Variants in ECE1 observed in about 807,000 individuals in gnomAD.
ECE1 encodes endothelin-converting enzyme 1.
A neutral mutation model predicts 98.6 loss-of-function variants in ECE1; 35 were observed. The observed-to-expected ratio is 0.35, with a 90% CI of 0.27 to 0.47. The LOEUF (loss-of-function observed/expected upper bound fraction) is 0.47, where lower values mean the gene tolerates loss of function less well. Among genes scored for constraint, ECE1 ranks in the 20% least tolerant of loss-of-function variants. The probability of loss-of-function intolerance (pLI) is 1.00; values close to 1 mark genes in which losing one functional copy is unlikely to be tolerated. For missense variants in ECE1, 814 were observed against 1,025.3 expected (o/e 0.79, Z 2.81); for synonymous variants, 394 against 407.1 (o/e 0.97, Z 0.39).
At position 21,260,538 on chromosome 1, in the gene ECE1, G is replaced by A. The variant is rs147641643; in HGVS notation, c.494-146C>T. 3,694 of 1,079,636 alleles carry A rather than the reference G, an allele frequency of 3.4e-3. 13 individuals carry two copies. The highest frequency in any genetic ancestry group is 0.013 in the Middle Eastern group (62 of 4,834). The allele number at this position is 1,079,636 out of a possible 1,614,324, so 66.9% of individuals were successfully genotyped here. On this transcript the variant is annotated intron_variant, in intron 4 of 18. Transcript: ENST00000374893. This position sits in a 1 kb window ranked among gnomAD's most constrained non-coding sequence, Gnocchi z 4.3. Reference sequence around the variant, plus strand: ...TGTCGGAGTGGCAGTGAGGAATGCCGTCACCGTGAGTATGTGAGGGCCCCT... The same window carrying A: ...TGTCGGAGTGGCAGTGAGGAATGCCATCACCGTGAGTATGTGAGGGCCCCT...
At chr1:21,263,451 G>A (rs1352207992) in intron 4 of ECE1, among the ~76,000 whole-genome samples, 1 of 151,988 alleles carries the variant, frequency 6.6e-6, no homozygotes, top group Non-Finnish European at 1.5e-5. Flanking sequence ...CCACCTCCTG[G>A]GTTCAAGTGA....
At chr1:21,279,650 A>G (rs565084690) in intron 2 of ECE1, 1 of 1,417,264 alleles carries the variant, frequency 7.1e-7, no homozygotes, top group South Asian at 1.6e-5. Flanking sequence ...GGAGTTCAAA[A>G]AAGAACAGGA....
intron 2 of ECE1, among the ~76,000 whole-genome samples, chr1:21,288,697 G>A (rs571675823): frequency 6.6e-6 from 1 of 152,314 alleles, no homozygotes; most frequent in East Asian, 1.9e-4. Context: ...ATTTGAGAAG[G>A]GAAAAGCACC....
At chr1:21,331,599 GA>G (rs202005429) in intron 1 of ECE1, among the ~76,000 whole-genome samples, 1 of 143,932 alleles carries the variant, frequency 6.9e-6, no homozygotes, top group African/African-American at 2.6e-5. Context: ...CTAAAAAAAA[GA>G]AAAAAAAAAG....
intron 10 of ECE1, among the ~76,000 whole-genome samples, chr1:21,244,680 G>A (rs571104747): frequency 1.4e-4 from 21 of 152,268 alleles, no homozygotes; most frequent in African/African-American, 4.3e-4. Flanking sequence ...TTACGTTTCC[G>A]GGGAAGAAGT....
chr1:21,292,404 C>T (rs1638223276), upstream of ECE1, among the ~76,000 whole-genome samples: 2 of 152,086 alleles, frequency 1.3e-5, no homozygotes, highest in Non-Finnish European at 1.5e-5. Flanking sequence ...ACATTTTTTC[C>T]TCCTCTCTAC....
intron 1 of ECE1, among the ~76,000 whole-genome samples, chr1:21,328,534 G>A (rs1639130119): frequency 6.6e-6 from 1 of 152,170 alleles, no homozygotes; most frequent in Non-Finnish European, 1.5e-5. Flanking sequence ...GGCCGAGGTG[G>A]GTGGATCACC....
chr1:21,317,741 G>A (rs1638862412), intron 1 of ECE1, among the ~76,000 whole-genome samples: 1 of 152,192 alleles, frequency 6.6e-6, no homozygotes, highest in South Asian at 2.1e-4. Flanking sequence ...CCAACTCAAG[G>A]TGGGGTCCTA....
rs1189759177 is a variant in ECE1 at position 21,245,104 on chromosome 1, CTGCGGG to C, written c.1164-7_1164-2del. ...CCAGATCATGTAGTTGTTGAGCAGGCTGCGGGGAGAGGAGGCCAGAGAGGCTCAGGG... is the reference window on the plus strand; with the variant it reads ...CCAGATCATGTAGTTGTTGAGCAGGCGAGAGGAGGCCAGAGAGGCTCAGGG... On this transcript the variant is annotated splice_acceptor_variant and splice_polypyrimidine_tract_variant and intron_variant, in intron 9 of 18. Transcript: ENST00000374893. LOFTEE classifies it high-confidence loss of function. The C allele has an allele frequency of 6.2e-7, 1 of 1,613,892 alleles. No individual in the cohort carries two copies.
intron 10 of ECE1, among the ~76,000 whole-genome samples, chr1:21,239,108 C>T (rs768275390): frequency 1.3e-5 from 2 of 151,794 alleles, no homozygotes; most frequent in Non-Finnish European, 2.9e-5. Context: ...GCTGAGATTA[C>T]AGGCGTGAGC....
chr1:21,226,531 G>A (rs1177171626), intron 16 of ECE1, among the ~76,000 whole-genome samples: 1 of 152,150 alleles, frequency 6.6e-6, no homozygotes, highest in East Asian at 1.9e-4. Context: ...GTGGGGCCTG[G>A]AAGATGATTG....
intron 1 of ECE1, among the ~76,000 whole-genome samples, chr1:21,308,876 C>G (rs1638655460): frequency 6.6e-6 from 1 of 152,162 alleles, no homozygotes; most frequent in Admixed American, 6.5e-5. Flanking sequence ...TTTAAAACTC[C>G]CCAGTACCTG....
intron 4 of ECE1, among the ~76,000 whole-genome samples, chr1:21,267,692 C>A (rs1400853614): frequency 6.6e-6 from 1 of 152,150 alleles, no homozygotes; most frequent in Non-Finnish European, 1.5e-5. Context: ...ATCCACGTAA[C>A]CATTCCCCAA....
intron 15 of ECE1, among the ~76,000 whole-genome samples, 198 bp from the exon 16 acceptor site, chr1:21,227,424 T>A (rs1184918843): frequency 6.6e-6 from 1 of 152,206 alleles, no homozygotes; most frequent in African/African-American, 2.4e-5. Context: ...ACAGTCTGTG[T>A]GGTCAGCTGT....
Position 21,312,585 on chromosome 1 carries a change from C to T in ECE1, c.4-22429G>A, listed in dbSNP as rs545047809. ...TGAGCTATGATTGCGCCACTTCTCT[C>T]TGGCCTTAGTGACAAAGCAAGACCC... On this transcript the variant is annotated intron_variant, in intron 1 of 18. Coordinates refer to the ECE1 transcript ENST00000415912. Among the ~76,000 whole-genome samples the T allele has an allele frequency of 2.0e-5, 3 of 152,282 alleles. No homozygotes were observed. The East Asian group carries it at 5.8e-4, about 29-fold the overall frequency.
At chr1:21,331,525 T>C (rs546587878) in intron 1 of ECE1, among the ~76,000 whole-genome samples, 1 of 151,862 alleles carries the variant, frequency 6.6e-6, no homozygotes, top group African/African-American at 2.4e-5. Context: ...GAGGTTGCAG[T>C]GAGCCATGAT....
At chr1:21,279,699 G>C in intron 2 of ECE1, 1 of 1,370,064 alleles carries the variant, frequency 7.3e-7, no homozygotes, top group Non-Finnish European at 9.4e-7. Flanking sequence ...ACCCAGCTGG[G>C]CTCTCTGCAG....
At chr1:21,326,582 G>A (rs927289251) in intron 1 of ECE1, among the ~76,000 whole-genome samples, 16 of 152,004 alleles carry the variant, frequency 1.1e-4, no homozygotes, top group South Asian at 6.2e-4. Context: ...GCTCAGGTTC[G>A]AGGAGATGAG....
intron 10 of ECE1, among the ~76,000 whole-genome samples, chr1:21,241,778 G>A (rs931023670): frequency 2.6e-5 from 4 of 152,154 alleles, no homozygotes; most frequent in African/African-American, 9.7e-5. Flanking sequence ...CTTCAAAGAG[G>A]CCACGCTCTC....
Sources: gnomAD v4.1 joint callset for allele counts (sites outside exome capture counted in the v4.1 genomes callset) on GRCh38, gnomAD v4.1.1 for gene constraint, Gnocchi (gnomAD v3.1) non-coding constraint, MANE v1.5 for transcripts, NCBI Gene and HGNC (gene_info 2026-07-23, HGNC 2026-07-21) for gene names.